The following CD96 variants were observed in gnomAD, a reference collection of about 807,000 sequenced individuals.
The protein encoded by CD96 is CD96 molecule, also known as T-cell surface protein tactile.
In CD96, 70 loss-of-function variants were observed where a neutral mutation model predicts 71.3. That is an observed-to-expected ratio of 0.98 (90% CI 0.81 to 1.20). CD96 has a LOEUF of 1.20. Ranked by LOEUF, CD96 falls within the 50% of genes most tolerant of loss-of-function variation. The pLI is 0.00. For missense variants in CD96, 742 were observed against 677.5 expected, an observed-to-expected ratio of 1.10 and a Z score of -1.06; for synonymous variants, 248 against 233.0, an observed-to-expected ratio of 1.06 and a Z score of -0.59.
At chr3:111,649,601 C>A in intron 13 of CD96, 97 bp from the exon 14 acceptor site, 1 of 833,104 alleles carries the variant, frequency 1.2e-6, no homozygotes, top group Non-Finnish European at 2.1e-6. Flanking sequence ...TCTCATCAAT[C>A]TGTGTTCTCC....
At chr3:111,637,350 C>T (rs1013991643) in intron 11 of CD96, 89 bp downstream of exon 11, 35 of 786,152 alleles carry the variant, frequency 4.5e-5, no homozygotes, top group Non-Finnish European at 7.7e-5. Flanking sequence ...GATAAGAAGC[C>T]AGCCTCAGAT....
In CD96 at chr3:111,649,845, A is replaced by G. The variant is rs763265141; in HGVS notation, c.*39A>G. The G allele has an allele frequency of 8.9e-6, 11 of 1,230,538 alleles. No individual in the cohort carries two copies. The Admixed American group carries it at 1.5e-4, about 17-fold the overall frequency. The allele number at this position is 1,230,538 out of a possible 1,614,324, so 76.2% of individuals were successfully genotyped here. A position where few individuals can be genotyped will look rare whatever the true frequency, so the allele number is the denominator to read the frequency against. ...TGCCCCATGGCAGAACTCTGCTGGA[A>G]TCCTATTGAGAAGGTAGACATTGTG... On this transcript the variant is annotated 3_prime_UTR_variant, in exon 14 of 14. Transcript: ENST00000352690.
chr3:111,606,720 G>A lies in CD96; in HGVS notation c.1108G>A (p.Asp370Asn), dbSNP rs866915561. 3.1e-6 allele frequency: 5 copies of A among 1,591,726 alleles called. No homozygotes were observed. The highest frequency in any genetic ancestry group is 4.3e-6 in the Non-Finnish European group (5 of 1,159,696). ...TTAAGGTTCTGAAATTTCCTCAACA[G>A]ACCCTCCACTGAGTGTTACAGAATC... is the stretch of plus-strand genomic sequence containing the variant. ...FLLGSEISST[D>N]PPLSVTESTL... The change falls in exon 8 of 14, where the codon GAC becomes AAC. Residue 370 changes from aspartate to asparagine, a missense_variant. By Grantham distance (23) the Asp-to-Asn change is conservative. Coordinates refer to ENST00000352690, the MANE Select transcript of CD96 (RefSeq NM_005816.5).
chr3:111,613,868 G>A (rs917856073), intron 8 of CD96, among the ~76,000 whole-genome samples: 3 of 152,230 alleles, frequency 2.0e-5, no homozygotes, highest in African/African-American at 7.2e-5. Context: ...CCAGCAGCTT[G>A]AAACTTACAA....
intron 2 of CD96, among the ~76,000 whole-genome samples, chr3:111,554,102 G>C (rs1014081754): frequency 2.6e-5 from 4 of 151,830 alleles, no homozygotes; most frequent in African/African-American, 9.7e-5. Context: ...TTTCTTTTAT[G>C]AGCATTTAAA....
chr3:111,580,773 A>G (rs1404990776), intron 4 of CD96, among the ~76,000 whole-genome samples: 1 of 152,136 alleles, frequency 6.6e-6, no homozygotes, highest in East Asian at 1.9e-4. Flanking sequence ...CGGAGCCTAA[A>G]CAGTGTCCTG....
intron 5 of CD96, among the ~76,000 whole-genome samples, chr3:111,589,657 G>A (rs987568711): frequency 2.0e-5 from 3 of 152,150 alleles, no homozygotes; most frequent in Admixed American, 6.5e-5. Flanking sequence ...CTCCCAGTGA[G>A]CCTCTGAAAT....
intron 8 of CD96, among the ~76,000 whole-genome samples, chr3:111,618,164 A>G (rs1035391421): frequency 2.8e-4 from 42 of 152,072 alleles, no homozygotes; most frequent in African/African-American, 1.0e-3. Flanking sequence ...CACCTGGCTC[A>G]CCCTTGGCAG....
intron 2 of CD96, among the ~76,000 whole-genome samples, chr3:111,563,325 T>C (rs1020804201): frequency 7.2e-5 from 11 of 152,250 alleles, no homozygotes; most frequent in Non-Finnish European, 1.3e-4. Flanking sequence ...GCTTCTGTTA[T>C]GGGAAAAGGT....
At chr3:111,615,919 C>A (rs1031937945) in intron 8 of CD96, among the ~76,000 whole-genome samples, 9 of 152,154 alleles carry the variant, frequency 5.9e-5, no homozygotes, top group Non-Finnish European at 1.5e-5. Flanking sequence ...CATCTCAGGG[C>A]CTTTTAACCT....
intron 7 of CD96, among the ~76,000 whole-genome samples, chr3:111,604,172 C>T (rs17281304): frequency 0.047 from 7,095 of 152,168 alleles, 195 homozygotes; most frequent in South Asian, 0.069. Context: ...GAGGAAACCC[C>T]GGAATTAAGC....
intron 8 of CD96, among the ~76,000 whole-genome samples, chr3:111,614,506 G>A (rs1014524101): frequency 6.6e-6 from 1 of 152,136 alleles, no homozygotes; most frequent in Non-Finnish European, 1.5e-5. Flanking sequence ...GTCCCTTGGT[G>A]CAGGCCATGC....
chr3:111,567,791 A>AAGGAG (rs1935791951), intron 3 of CD96, 144 bp downstream of exon 3: 1 of 763,808 alleles, frequency 1.3e-6, no homozygotes, highest in Non-Finnish European at 2.3e-6. Flanking sequence ...GTAGGGAAGG[A>AAGGAG]AGGAGAGGTC....
chr3:111,649,665 C>G, intron 13 of CD96, 33 bp from the exon 14 acceptor site: 1 of 1,290,348 alleles, frequency 7.7e-7, no homozygotes, highest in African/African-American at 1.5e-5. Context: ...TCCCTCAATT[C>G]TTAGCATTGA....
At chr3:111,579,698 T>C (rs183522546) in intron 4 of CD96, among the ~76,000 whole-genome samples, 27 of 152,180 alleles carry the variant, frequency 1.8e-4, no homozygotes, top group Admixed American at 1.7e-3. Context: ...CTCTTCCTCT[T>C]CTTATAAGGC....
intron 9 of CD96, 80 bp downstream of exon 9, chr3:111,623,902 A>G (rs975013377): frequency 1.1e-6 from 1 of 931,732 alleles, no homozygotes; most frequent in East Asian, 2.4e-5. Context: ...TATAATGTTG[A>G]CGTTTCAGCA....
rs1937456734 is a variant in CD96 at position 111,600,753 on chromosome 3, A to T, written c.926A>T (p.Lys309Ile). Reference sequence around the variant, plus strand: ...ATATATATTACTAATGAAGAGAGAAAAGGCAAAGATGGATTTTTGGAACTG... The same window carrying T: ...ATATATATTACTAATGAAGAGAGAATAGGCAAAGATGGATTTTTGGAACTG... Reference protein sequence around the residue: ...EGIYITNEERKGKDGFLELKS... With the variant: ...EGIYITNEERIGKDGFLELKS... The change falls in exon 7 of 14, where the codon AAA becomes ATA. Residue 309 changes from lysine (K) to isoleucine (I), a missense_variant. Physicochemically the swap from Lys to Ile is moderately radical, Grantham distance 102. Transcript: ENST00000352690. 1.2e-6 allele frequency: 2 copies of T among 1,613,336 alleles called. No homozygotes were observed. The highest frequency in any genetic ancestry group is 1.7e-6 in the Non-Finnish European group (2 of 1,179,300).
intron 12 of CD96, 68 bp from the exon 13 acceptor site, chr3:111,647,475 G>C: frequency 3.5e-6 from 5 of 1,409,356 alleles, no homozygotes; most frequent in Non-Finnish European, 5.0e-6. Context: ...TAGGAAAAAT[G>C]GTTTAATCCT....
At chr3:111,644,201 C>T (rs1939722803) in intron 12 of CD96, among the ~76,000 whole-genome samples, 2 of 152,000 alleles carry the variant, frequency 1.3e-5, no homozygotes, top group Non-Finnish European at 2.9e-5. Flanking sequence ...ACAAAGCAAA[C>T]AAAAACATAA....
Sources: allele counts gnomAD v4.1 joint callset (sites outside exome capture counted in the v4.1 genomes callset), GRCh38; gene constraint gnomAD v4.1.1; transcripts MANE v1.5; gene names NCBI Gene and HGNC (gene_info 2026-07-23, HGNC 2026-07-21).